The following ERLIN2 variants were observed in gnomAD, a reference collection of about 807,000 sequenced individuals.
ERLIN2 encodes ER lipid raft associated 2, also known as erlin-2.
Under a neutral mutation model 41.5 loss-of-function variants are expected in ERLIN2, and 22 were observed. That is an observed-to-expected ratio of 0.53 (90% CI 0.38 to 0.76). The LOEUF is 0.76. ERLIN2 is among the 30% of genes least tolerant of loss of function. ERLIN2 has a pLI of 0.00. For synonymous variants in ERLIN2, 149 were observed against 150.9 expected (o/e 0.99, Z 0.09); for missense variants, 247 against 414.3 (o/e 0.60, Z 3.51).
At chr8:37,753,376 C>T in intron 10 of ERLIN2, 74 bp from the exon 11 acceptor site, 1 of 1,256,738 alleles carries the variant, frequency 8.0e-7, no homozygotes. Context: ...AGAGTCTTCC[C>T]ATAGCCTCTG....
rs539554143 is a variant in ERLIN2, at chr8:37,748,083, C to T, written c.425-1476C>T. On this transcript the variant is annotated intron_variant, in intron 6 of 11. Transcript: ENST00000519638. Reference sequence around the variant, plus strand: ...ATGACGTCACGAGCGCGCCTTGCGCCTTTTCCCTGCGGCTACCTTAGTAAT... The same window carrying T: ...ATGACGTCACGAGCGCGCCTTGCGCTTTTTCCCTGCGGCTACCTTAGTAAT... The T allele has an allele frequency of 1.3e-5, 14 of 1,112,434 alleles. No individual in the cohort carries two copies. In the East Asian group the frequency reaches 3.1e-4, roughly 24 times the overall value. The allele number at this position is 1,112,434 out of a possible 1,614,324, so 68.9% of individuals were successfully genotyped here.
At chr8:37,753,625 G>T in intron 11 of ERLIN2, 96 bp downstream of exon 11, 1 of 1,110,666 alleles carries the variant, frequency 9.0e-7, no homozygotes. Context: ...ACCACCCAAA[G>T]CCCTTCATGG....
chr8:37,754,210 C>T lies in ERLIN2; in HGVS notation c.*95C>T. 3.3e-6 allele frequency: 3 copies of T among 919,046 alleles called. No individual in the cohort carries two copies. Among genetic ancestry groups the T allele is most frequent in the South Asian group, 2.8e-5 (2 of 71,194 alleles). The allele number at this position is 919,046 out of a possible 1,614,324, so 56.9% of individuals were successfully genotyped here. On this transcript the variant is annotated 3_prime_UTR_variant, in exon 12 of 12. Coordinates refer to ENST00000519638, the MANE Select transcript of ERLIN2 (RefSeq NM_007175.8). ...CTCCCTCCCCGACTACCTTCTCTGA[C>T]TGTCTTCCAGTTACTGTGGTGAAAA...
intron 9 of ERLIN2, 72 bp from the exon 10 acceptor site, chr8:37,751,554 A>G: frequency 7.5e-7 from 1 of 1,338,290 alleles, no homozygotes; most frequent in Non-Finnish European, 1.1e-6. Context: ...CAGGACACTC[A>G]GCTCGGGTGA....
rs76183236 is a variant in ERLIN2 at position 37,751,808 on chromosome 8, G to T, written c.739+93G>T. ...GCCATTGCCTTTGCCCTTTAACTGT[G>T]CTCAAGGATGTCATGATCTCTGTGC... On this transcript the variant is annotated intron_variant, in intron 10 of 11. Transcript: ENST00000519638. The T allele has an allele frequency of 9.3e-4, 847 of 912,744 alleles. 4 individuals carry two copies. In the African/African-American group the frequency reaches 0.012, roughly 13 times the overall value. The allele number at this position is 912,744 out of a possible 1,614,324, so 56.5% of individuals were successfully genotyped here.
At chr8:37,744,049 G>A (rs975055178) in intron 4 of ERLIN2, among the ~76,000 whole-genome samples, 6 of 152,082 alleles carry the variant, frequency 3.9e-5, no homozygotes, top group African/African-American at 1.2e-4. Context: ...AGTCTTTTCC[G>A]TGCAACTGAT....
intron 1 of ERLIN2, 164 bp from the exon 2 acceptor site, chr8:37,737,742 CTG>C (rs1394460005): frequency 1.4e-6 from 1 of 720,434 alleles, no homozygotes; most frequent in Non-Finnish European, 2.3e-6. Flanking sequence ...GGAACGTTGA[CTG>C]AGAACGAGGA....
In ERLIN2 at chr8:37,751,637, G is replaced by A. The variant is rs771451268; in HGVS notation, c.661G>A (p.Val221Met). 5.6e-6 allele frequency: 9 copies of A among 1,613,268 alleles called. No homozygotes were observed. The South Asian group carries it at 8.8e-5, about 16-fold the overall frequency. Residue 221 changes from valine (V) to methionine (M), a missense_variant, in exon 10 of 12, where the codon GTG becomes ATG. Physicochemically the swap from Val to Met is conservative, Grantham distance 21. This residue lies in a region of ERLIN2 where 153 missense variants were observed against 256.4 expected (regional missense o/e 0.60). Coordinates refer to ENST00000519638, the MANE Select transcript of ERLIN2 (RefSeq NM_007175.8). The part of the protein sequence containing the change: ...RKKALIEAEK[V>M]AQVAEITYGQ... The stretch of plus-strand genomic sequence containing the variant: ...TATCATTTATTCAGAGGCAGAAAAA[G>A]TGGCCCAGGTGGCTGAGATCACCTA...
At chr8:37,747,547 T>C in intron 6 of ERLIN2, 1 of 1,612,452 alleles carries the variant, frequency 6.2e-7, no homozygotes, top group East Asian at 2.2e-5. Flanking sequence ...AGAACTGAAC[T>C]TGCCCATGTC....
In ERLIN2 at chr8:37,746,693, G is replaced by A. The variant is rs150448924; in HGVS notation, c.424+1997G>A. ...AGACCCCATTTTCATTCGGATCTGA[G>A]CTGTCTTACCCGCTCACTGCAACTT... On this transcript the variant is annotated intron_variant, in intron 6 of 11. Coordinates refer to ENST00000519638, the MANE Select transcript of ERLIN2 (RefSeq NM_007175.8). 6.1e-3 allele frequency: 1,404 copies of A among 229,358 alleles called. 7 individuals carry two copies. Among genetic ancestry groups the A allele is most frequent in the Admixed American group, 0.014 (218 of 15,480 alleles). 14.2% of individuals were successfully genotyped at this position (229,358 alleles called of 1,614,324 possible). A position where few individuals can be genotyped will look rare whatever the true frequency, so the allele number is the denominator to read the frequency against.
At chr8:37,744,746 C>G (rs1485464895) in intron 6 of ERLIN2, 50 bp downstream of exon 6, 1 of 1,610,336 alleles carries the variant, frequency 6.2e-7, no homozygotes, top group Admixed American at 1.7e-5. Flanking sequence ...GTTCCTGGAA[C>G]CCCGCGTCTC....
At chr8:37,750,282 G>T in intron 8 of ERLIN2, 113 bp from the exon 9 acceptor site, 1 of 799,578 alleles carries the variant, frequency 1.3e-6, no homozygotes. Context: ...AGCCTTCCAG[G>T]AGGAGTAGGA....
chr8:37,737,875 G>C (rs746810438), intron 1 of ERLIN2, 33 bp from the exon 2 acceptor site: 11 of 1,613,010 alleles, frequency 6.8e-6, no homozygotes, highest in Middle Eastern at 1.8e-4. Flanking sequence ...CTGCACGTTG[G>C]ACCACACACA....
chr8:37,756,884 G>A lies in ERLIN2; in HGVS notation c.*2769G>A, dbSNP rs1563319762. The stretch of plus-strand genomic sequence containing the variant: ...GGTTTTCCAAGGAAAAATCACCTTG[G>A]TTGAATGTTTCTCACTCATTAAACT... On this transcript the variant is annotated 3_prime_UTR_variant, in exon 12 of 12. Transcript: ENST00000519638. 2 of 152,484 alleles carry A rather than the reference G, an allele frequency of 1.3e-5. No individual in the cohort carries two copies. The highest frequency in any genetic ancestry group is 4.8e-5 in the African/African-American group (2 of 41,422). 9.4% of individuals were successfully genotyped at this position (152,484 alleles called of 1,614,324 possible).
chr8:37,749,369 A>G (rs1424245589), intron 6 of ERLIN2, among the ~76,000 whole-genome samples, 190 bp from the exon 7 acceptor site: 1 of 152,216 alleles, frequency 6.6e-6, no homozygotes, highest in Non-Finnish European at 1.5e-5. Context: ...TTCACCATGT[A>G]GAGGGCTGCC....
Position 37,755,930 on chromosome 8 carries a change from C to G in ERLIN2, c.*1815C>G, listed in dbSNP as rs1563319367. 6.6e-6 allele frequency: 1 copy of G among 152,470 alleles called. No individual in the cohort carries two copies. Among genetic ancestry groups the G allele is most frequent in the Non-Finnish European group, 1.5e-5 (1 of 68,328 alleles). 9.4% of individuals were successfully genotyped at this position (152,470 alleles called of 1,614,324 possible). ...CTTGGCCGGGCGCGGTGGCTCACAC[C>G]TGTAATCCCAGCACTTTGGGAGGCC... is the stretch of plus-strand genomic sequence containing the variant. On this transcript the variant is annotated 3_prime_UTR_variant, in exon 12 of 12. Transcript: ENST00000519638.
rs1364361309 is a variant in ERLIN2, at chr8:37,741,638, T to A, written c.190-134T>A. 4.0e-6 allele frequency: 3 copies of A among 751,256 alleles called. No individual in the cohort carries two copies. Among genetic ancestry groups the A allele is most frequent in the Non-Finnish European group, 7.2e-6 (3 of 414,064 alleles). The allele number at this position is 751,256 out of a possible 1,614,324, so 46.5% of individuals were successfully genotyped here. A position where few individuals can be genotyped will look rare whatever the true frequency, so the allele number is the denominator to read the frequency against. ...AACCCTGTGAGGAAGGAGGATTAGG[T>A]GGGGTAATCATGTTTAATGAAGGCC... On this transcript the variant is annotated intron_variant, in intron 3 of 11. Transcript: ENST00000519638. This position sits in a 1 kb window ranked among gnomAD's most constrained non-coding sequence, Gnocchi z 4.8.
intron 2 of ERLIN2, among the ~76,000 whole-genome samples, chr8:37,738,512 G>A (rs900826372): frequency 2.0e-5 from 3 of 152,256 alleles, no homozygotes; most frequent in African/African-American, 7.2e-5. Context: ...GCTAATTTGG[G>A]ATGCTCTTTT....
At chr8:37,744,333 T>G (rs1209373184) in intron 4 of ERLIN2, 22 bp from the exon 5 acceptor site, 1 of 1,607,486 alleles carries the variant, frequency 6.2e-7, no homozygotes, top group Non-Finnish European at 8.5e-7. Context: ...CAGTGACTTC[T>G]TGTCCATTCT....
Sources: gnomAD v4.1 joint callset for allele counts (sites outside exome capture counted in the v4.1 genomes callset) on GRCh38, gnomAD v4.1.1 for gene constraint, gnomAD v4.1.1 regional missense constraint, Gnocchi (gnomAD v3.1) non-coding constraint, MANE v1.5 for transcripts, NCBI Gene and HGNC (gene_info 2026-07-23, HGNC 2026-07-21) for gene names.